GDPGP1: variants seen among roughly 807,000 people sequenced by gnomAD.
The protein encoded by GDPGP1 is GDP-D-glucose phosphorylase 1.
In GDPGP1, 18 loss-of-function variants were observed where a neutral mutation model predicts 19.2. The observed-to-expected ratio is 0.94, with a 90% confidence interval of 0.65 to 1.39. The LOEUF is 1.39. GDPGP1 is among the 40% of genes most tolerant of loss of function. GDPGP1 has a pLI of 0.00. For missense variants in GDPGP1, 449 were observed against 490.5 expected, an observed-to-expected ratio of 0.92 and a Z score of 0.80; for synonymous variants, 219 against 208.9, an observed-to-expected ratio of 1.05 and a Z score of -0.42.
rs1447996290 is a variant in GDPGP1 at position 90,242,117 on chromosome 15, C to G, written c.*51C>G. 2 of 1,435,552 alleles carry G rather than the reference C, an allele frequency of 1.4e-6. No individual in the cohort carries two copies. Among genetic ancestry groups the G allele is most frequent in the Non-Finnish European group, 1.9e-6 (2 of 1,052,964 alleles). 88.9% of individuals were successfully genotyped at this position (1,435,552 alleles called of 1,614,324 possible). Reference sequence around the variant, plus strand: ...TTTTTCTTTTCTTTTGAGATAGGGTCTCACTCTGTCCCCAGGCTAGAGTGT... The same window carrying G: ...TTTTTCTTTTCTTTTGAGATAGGGTGTCACTCTGTCCCCAGGCTAGAGTGT... On this transcript the variant is annotated 3_prime_UTR_variant, in exon 4 of 4. Transcript: ENST00000329600.
intron 2 of GDPGP1, among the ~76,000 whole-genome samples, chr15:90,237,335 G>T (rs1376436406): frequency 2.3e-5 from 3 of 128,112 alleles, no homozygotes; most frequent in Non-Finnish European, 4.7e-5. Flanking sequence ...AGGCTGGAAT[G>T]CAGTGGCACC....
At chr15:90,239,095 C>A (rs560895670) in intron 3 of GDPGP1, among the ~76,000 whole-genome samples, 21 of 152,176 alleles carry the variant, frequency 1.4e-4, no homozygotes, top group South Asian at 1.2e-3. Flanking sequence ...TAGAATGAAA[C>A]TAGCTACAAC....
In GDPGP1 at chr15:90,234,233, T is replaced by G. The variant is rs1007440265; in HGVS notation, c.-201T>G. On this transcript the variant is annotated 5_prime_UTR_variant, in exon 1 of 4. Coordinates refer to ENST00000329600, the MANE Select transcript of GDPGP1 (RefSeq NM_001013657.3). ...CGTATGCGTCACGGGCGTCATGACC[T>G]CGCTGTGGCCCCGGCAGCGGCTGCG... The G allele has an allele frequency of 2.0e-5, 5 of 247,832 alleles. No individual in the cohort carries two copies. Among genetic ancestry groups the G allele is most frequent in the East Asian group, 7.3e-5 (1 of 13,652 alleles). 15.4% of individuals were successfully genotyped at this position (247,832 alleles called of 1,614,324 possible).
In GDPGP1 at chr15:90,242,914, A is replaced by G. The variant is rs1005550824; in HGVS notation, c.*848A>G. The G allele has an allele frequency of 1.2e-4, 18 of 152,308 alleles. No homozygotes were observed. The highest frequency in any genetic ancestry group is 4.1e-4 in the African/African-American group (17 of 41,558). The allele number at this position is 152,308 out of a possible 1,614,324, so 9.4% of individuals were successfully genotyped here. ...AGGGGAGAAAGATAATGGTCTCTTT[A>G]AAGGGGAGCTGATAGTGGTCTCTTT... On this transcript the variant is annotated 3_prime_UTR_variant, in exon 4 of 4. Coordinates refer to ENST00000329600, the MANE Select transcript of GDPGP1 (RefSeq NM_001013657.3).
chr15:90,239,628 C>T lies in GDPGP1; in HGVS notation c.-10+1080C>T, dbSNP rs1024543994. On this transcript the variant is annotated intron_variant, in intron 3 of 3. Transcript: ENST00000329600. ...CCCCCATGATTCATTTACTTTCCAC[C>T]GGGCCCCTCCCACAACAAGTGGGGA... Among the ~76,000 whole-genome samples, 7 of 152,312 alleles carry T rather than the reference C, an allele frequency of 4.6e-5. No individual in the cohort carries two copies. In the South Asian group the frequency reaches 6.2e-4, roughly 14 times the overall value.
At chr15:90,237,271 TTC>T in intron 2 of GDPGP1, among the ~76,000 whole-genome samples, 1 of 144,776 alleles carries the variant, frequency 6.9e-6, no homozygotes, top group African/African-American at 2.6e-5. Context: ...TATTGTAATT[TTC>T]TTTTTTTCCC....
Position 90,240,961 on chromosome 15 carries a change from A to G in GDPGP1, c.53A>G (p.Asn18Ser), listed in dbSNP as rs763905053. 10 of 1,613,908 alleles carry G rather than the reference A, an allele frequency of 6.2e-6. No homozygotes were observed. The highest frequency in any genetic ancestry group is 1.3e-5 in the African/African-American group (1 of 74,916). ...ACTTCCTATTTGCTGCCTCCCAACA[A>G]TGAGGACTGGGGCAGGCAAACCATT... ...NETSYLLPPNNEDWGRQTIPD... is the reference protein window; with the variant it reads ...NETSYLLPPNSEDWGRQTIPD... The change falls in exon 4 of 4, where the codon AAT becomes AGT. Residue 18 changes from asparagine to serine, a missense_variant. Physicochemically the swap from Asn to Ser is conservative, Grantham distance 46 (BLOSUM62 1). Transcript: ENST00000329600.
rs1262484701 is a variant in GDPGP1, at chr15:90,245,781, GA to G, written c.*3718del. On this transcript the variant is annotated 3_prime_UTR_variant, in exon 4 of 4. Coordinates refer to ENST00000329600, the MANE Select transcript of GDPGP1 (RefSeq NM_001013657.3). ...AATATGTTTCTCCATATAAAAAGGGGAAAGTAAAATGGGTTTTCTTTCTGGT... is the reference window on the plus strand; with the variant it reads ...AATATGTTTCTCCATATAAAAAGGGGAAGTAAAATGGGTTTTCTTTCTGGT... 3 of 152,302 alleles carry G rather than the reference GA, an allele frequency of 2.0e-5. No individual in the cohort carries two copies. The highest frequency in any genetic ancestry group is 4.8e-5 in the African/African-American group (2 of 41,562). 9.4% of individuals were successfully genotyped at this position (152,302 alleles called of 1,614,324 possible).
At chr15:90,235,462 G>A (rs763563423) in intron 2 of GDPGP1, among the ~76,000 whole-genome samples, 3 of 151,998 alleles carry the variant, frequency 2.0e-5, no homozygotes, top group Non-Finnish European at 2.9e-5. Context: ...TGCAGTGAGC[G>A]GAGATTGTGC....
Position 90,243,375 on chromosome 15 carries a change from T to C in GDPGP1, c.*1309T>C, listed in dbSNP as rs1488044446. On this transcript the variant is annotated 3_prime_UTR_variant, in exon 4 of 4. Transcript: ENST00000329600. ...CTTTCCGGGTGCACGTCTTTTTTTG[T>C]TTTGTTTTTTTGTAAGGCTGGGGTG... The C allele has an allele frequency of 7.1e-6, 1 of 141,836 alleles. No individual in the cohort carries two copies. Among genetic ancestry groups the C allele is most frequent in the Non-Finnish European group, 1.5e-5 (1 of 66,012 alleles). The allele number at this position is 141,836 out of a possible 1,614,324, so 8.8% of individuals were successfully genotyped here. A position where few individuals can be genotyped will look rare whatever the true frequency, so the allele number is the denominator to read the frequency against.
At chr15:90,238,948 A>G (rs1205062762) in intron 3 of GDPGP1, among the ~76,000 whole-genome samples, 2 of 152,188 alleles carry the variant, frequency 1.3e-5, no homozygotes, top group African/African-American at 4.8e-5. Context: ...AAAACAAAAT[A>G]AAACCAAAAC....
At chr15:90,240,589 G>T (rs1962730766) in intron 3 of GDPGP1, among the ~76,000 whole-genome samples, 1 of 152,050 alleles carries the variant, frequency 6.6e-6, no homozygotes, top group Non-Finnish European at 1.5e-5. Context: ...AAGGCAAAGG[G>T]ATCACCCGAT....
In GDPGP1 at chr15:90,236,407, C is replaced by T. The variant is rs145672872; in HGVS notation, c.-67+1811C>T. On this transcript the variant is annotated intron_variant, in intron 2 of 3. Transcript: ENST00000329600. The stretch of plus-strand genomic sequence containing the variant: ...TGGTGACCAGCTGTGATCTAGATCT[C>T]TCAGTCACTTCACTTGGCTCTGAAC... Among the ~76,000 whole-genome samples, 1,263 of 152,336 alleles carry T rather than the reference C, an allele frequency of 8.3e-3. 31 individuals carry two copies. The highest frequency in any genetic ancestry group is 0.029 in the African/African-American group (1,200 of 41,562).
intron 2 of GDPGP1, among the ~76,000 whole-genome samples, chr15:90,234,829 T>C (rs1237405991): frequency 1.3e-5 from 2 of 152,186 alleles, no homozygotes; most frequent in African/African-American, 4.8e-5. Context: ...GTTTGGCACA[T>C]AGTAGGCTCT....
In GDPGP1 at chr15:90,241,298, G is replaced by T; in HGVS notation, c.390G>T (p.Arg130=). 2 of 1,614,192 alleles carry T rather than the reference G, an allele frequency of 1.2e-6. No individual in the cohort carries two copies. Among genetic ancestry groups the T allele is most frequent in the Non-Finnish European group, 1.7e-6 (2 of 1,180,034 alleles). The change falls in exon 4 of 4, where the codon CGG becomes CGT. Residue 130 remains arginine (R), a synonymous_variant. Transcript: ENST00000329600. The part of the protein sequence containing the change: ...DPVQFNFNKI[R]PGEVLFRLHR... ...TACAGTTCAACTTCAACAAGATCCGGCCCGGAGAAGTCCTCTTCCGTTTGC... is the reference window on the plus strand; with the variant it reads ...TACAGTTCAACTTCAACAAGATCCGTCCCGGAGAAGTCCTCTTCCGTTTGC...
rs1276600394 is a variant in GDPGP1 at position 90,240,883 on chromosome 15, T to C, written c.-9-17T>C. 52 of 1,543,908 alleles carry C rather than the reference T, an allele frequency of 3.4e-5. No individual in the cohort carries two copies. The highest frequency in any genetic ancestry group is 4.6e-5 in the Non-Finnish European group (52 of 1,122,566). ...TGGGTTACCATCATGTGTTTTCATC[T>C]TTTATGACTATTTCAGGTCAGCTCT... On this transcript the variant is annotated splice_polypyrimidine_tract_variant and intron_variant, in intron 3 of 3. Coordinates refer to ENST00000329600, the MANE Select transcript of GDPGP1 (RefSeq NM_001013657.3).
chr15:90,241,062 G>C lies in GDPGP1; in HGVS notation c.154G>C (p.Asp52His), dbSNP rs1962743178. The change falls in exon 4 of 4, where the codon GAT (aspartate) becomes CAT (histidine). Residue 52 changes from aspartate to histidine, a missense_variant. Physicochemically the swap from Asp to His is moderately conservative, Grantham distance 81 (BLOSUM62 -1). Coordinates refer to ENST00000329600, the MANE Select transcript of GDPGP1 (RefSeq NM_001013657.3). ...QWPRNAPGIPDALPQSPFDAA... is the reference protein window; with the variant it reads ...QWPRNAPGIPHALPQSPFDAA... ...GCCAAGGAATGCACCTGGCATCCCA[G>C]ATGCTCTGCCACAATCTCCCTTTGA... is the stretch of plus-strand genomic sequence containing the variant. 2 of 1,614,068 alleles carry C rather than the reference G, an allele frequency of 1.2e-6. No homozygotes were observed. Among genetic ancestry groups the C allele is most frequent in the Admixed American group, 3.3e-5 (2 of 60,000 alleles).
In GDPGP1 at chr15:90,241,990, A is replaced by G. The variant is rs1353373080; in HGVS notation, c.1082A>G (p.Asp361Gly). 6.2e-7 allele frequency: 1 copy of G among 1,614,112 alleles called. No individual in the cohort carries two copies. ...TEAAAVALIQDCRLPPSQAED... is the reference protein window; with the variant it reads ...TEAAAVALIQGCRLPPSQAED... ...GCAGCTGCTGTGGCCCTCATTCAGG[A>G]CTGTCGGCTGCCCCCATCCCAGGCA... Residue 361 changes from aspartate to glycine, a missense_variant, in exon 4 of 4, where the codon GAC (aspartate) becomes GGC (glycine). By Grantham distance (94) the Asp-to-Gly change is moderately conservative. Transcript: ENST00000329600.
Position 90,245,568 on chromosome 15 carries a change from A to G in GDPGP1, c.*3502A>G, listed in dbSNP as rs1962845909. 6.6e-6 allele frequency: 1 copy of G among 151,914 alleles called. No homozygotes were observed. The highest frequency in any genetic ancestry group is 2.4e-5 in the African/African-American group (1 of 41,378). The allele number at this position is 151,914 out of a possible 1,614,324, so 9.4% of individuals were successfully genotyped here. A position where few individuals can be genotyped will look rare whatever the true frequency, so the allele number is the denominator to read the frequency against. ...TAAACTGCAGTAATTTTTCCTTAATACTTTTTGCAAGCTTTTGCATGCATA... is the reference window on the plus strand; with the variant it reads ...TAAACTGCAGTAATTTTTCCTTAATGCTTTTTGCAAGCTTTTGCATGCATA... On this transcript the variant is annotated 3_prime_UTR_variant, in exon 4 of 4. Coordinates refer to ENST00000329600, the MANE Select transcript of GDPGP1 (RefSeq NM_001013657.3).
Sources: allele counts gnomAD v4.1 joint callset (sites outside exome capture counted in the v4.1 genomes callset), GRCh38; gene constraint gnomAD v4.1.1; transcripts MANE v1.5; gene names NCBI Gene and HGNC (gene_info 2026-07-23, HGNC 2026-07-21).